Variants in ARCN1 observed in about 807,000 individuals in gnomAD.
ARCN1 encodes the protein archain 1 coat protein complex I subunit delta, also known as coatomer subunit delta.
Under a neutral mutation model 60.4 loss-of-function variants are expected in ARCN1, and 5 were observed. The ratio of observed to expected loss-of-function variants is 0.08; its 90% CI spans 0.04 to 0.17. The LOEUF (loss-of-function observed/expected upper bound fraction) is 0.17, where lower values mean the gene tolerates loss of function less well. Ranked by LOEUF, ARCN1 falls within the 10% of genes least tolerant of loss-of-function variation. ARCN1 has a pLI of 1.00. For missense variants in ARCN1, 464 were observed against 626.5 expected (o/e 0.74, Z 2.77); for synonymous variants, 224 against 220.0 (o/e 1.02, Z -0.16).
At chr11:118,577,436 C>T (rs1475389522) in intron 1 of ARCN1, among the ~76,000 whole-genome samples, 2 of 152,092 alleles carry the variant, frequency 1.3e-5, no homozygotes, top group East Asian at 3.9e-4. Context: ...TTGGTAGAGA[C>T]AGGGTTTTCC....
At chr11:118,595,683 T>C (rs1425418106) in intron 8 of ARCN1, among the ~76,000 whole-genome samples, 2 of 152,234 alleles carry the variant, frequency 1.3e-5, no homozygotes, top group East Asian at 3.8e-4. Context: ...TCAGCCCTCA[T>C]GATTAAGCAC....
At chr11:118,594,787 T>A (rs530320879) in intron 8 of ARCN1, among the ~76,000 whole-genome samples, 2 of 149,566 alleles carry the variant, frequency 1.3e-5, no homozygotes, top group African/African-American at 4.9e-5. Context: ...TGACCTTAGA[T>A]GATCTGCCCG....
chr11:118,584,771 T>C, intron 5 of ARCN1, 127 bp downstream of exon 5: 2 of 909,662 alleles, frequency 2.2e-6, no homozygotes, highest in Non-Finnish European at 3.2e-6. Context: ...AAAAGATTTA[T>C]TCAGAGCAGA....
chr11:118,582,034 C>T (rs2135540461), intron 2 of ARCN1, among the ~76,000 whole-genome samples: 1 of 152,236 alleles, frequency 6.6e-6, no homozygotes, highest in Non-Finnish European at 1.5e-5. Flanking sequence ...TAGCATGTGC[C>T]TGTAGTCCAA....
Position 118,581,156 on chromosome 11 carries a change from A to G in ARCN1, c.4-90A>G, listed in dbSNP as rs1198399338. The G allele has an allele frequency of 6.0e-6, 9 of 1,502,544 alleles. No individual in the cohort carries two copies. The Admixed American group carries it at 1.6e-4, about 27-fold the overall frequency. The allele number at this position is 1,502,544 out of a possible 1,614,324, so 93.1% of individuals were successfully genotyped here. On this transcript the variant is annotated intron_variant, in intron 1 of 9. Transcript: ENST00000264028. ...TACTACTAGTCATGTCACTAAATAA[A>G]TATGTCATTCTATGGAACATTTCCT...
At chr11:118,573,150 C>T (rs1240668012) in intron 1 of ARCN1, among the ~76,000 whole-genome samples, 1 of 152,196 alleles carries the variant, frequency 6.6e-6, no homozygotes, top group African/African-American at 2.4e-5. Context: ...TCCACTACTT[C>T]CGCAGAACTC....
chr11:118,587,473 A>G (rs1204379388), intron 5 of ARCN1, among the ~76,000 whole-genome samples: 2 of 152,320 alleles, frequency 1.3e-5, no homozygotes, highest in East Asian at 3.9e-4. Flanking sequence ...GAATCTCCTT[A>G]TTTGAAACTG....
At chr11:118,582,415 C>G (rs1555074785) in intron 2 of ARCN1, among the ~76,000 whole-genome samples, 1 of 152,034 alleles carries the variant, frequency 6.6e-6, no homozygotes, top group African/African-American at 2.4e-5. Context: ...CAGGCATGAG[C>G]CGCTGCACCC....
chr11:118,587,652 C>G (rs931765376), intron 5 of ARCN1, among the ~76,000 whole-genome samples: 4 of 152,200 alleles, frequency 2.6e-5, no homozygotes, highest in Admixed American at 2.0e-4. Flanking sequence ...TTTCCGCACA[C>G]ATCAAGCGGT....
rs1161304214 is a variant in ARCN1, at chr11:118,581,933, G to GAC, written c.267+426_267+427dup. On this transcript the variant is annotated intron_variant, in intron 2 of 9. Transcript: ENST00000264028. ...TTACTGATCCAGAGACAGACAGACA[G>GAC]ACAGACACACACACACACACACACA... 6.5e-3 allele frequency among the ~76,000 whole-genome samples: 854 copies of GAC among 132,206 alleles called. 8 individuals carry two copies. The highest frequency in any genetic ancestry group is 0.023 in the African/African-American group (732 of 32,480). The allele number at this position is 132,206 out of a possible 152,430, so 86.7% of individuals were successfully genotyped here.
chr11:118,572,932 C>A, intron 1 of ARCN1: 4 of 257,042 alleles, frequency 1.6e-5, no homozygotes, highest in Non-Finnish European at 3.0e-5. Context: ...GCTCAGCAGG[C>A]TGGGCCTGTC....
chr11:118,596,498 A>G (rs1939028765), intron 8 of ARCN1, among the ~76,000 whole-genome samples: 1 of 152,242 alleles, frequency 6.6e-6, no homozygotes, highest in Non-Finnish European at 1.5e-5. Flanking sequence ...GATCAGAATC[A>G]GAATTAGAGC....
intron 1 of ARCN1, 161 bp downstream of exon 1, chr11:118,572,711 C>T (rs559487373): frequency 2.6e-6 from 2 of 774,154 alleles, no homozygotes; most frequent in Non-Finnish European, 4.1e-6. Context: ...TGTGCCCGGT[C>T]TCCTGGAGAT....
In ARCN1 at chr11:118,572,454, G is replaced by C. The variant is rs559895450; in HGVS notation, c.-94G>C. The stretch of plus-strand genomic sequence containing the variant: ...GGCAGCGGTTCCTGTCAAGGGGGCA[G>C]CAGGTCCAGAGCTGCTGGTGCTCCC... On this transcript the variant is annotated 5_prime_UTR_variant, in exon 1 of 10. Coordinates refer to ENST00000264028, the MANE Select transcript of ARCN1 (RefSeq NM_001655.5). 509 of 1,357,986 alleles carry C rather than the reference G, an allele frequency of 3.7e-4. No homozygotes were observed. The highest frequency in any genetic ancestry group is 5.5e-4 in the Middle Eastern group (3 of 5,410). 84.1% of individuals were successfully genotyped at this position (1,357,986 alleles called of 1,614,324 possible).
chr11:118,580,180 A>G (rs1247369716), intron 1 of ARCN1, among the ~76,000 whole-genome samples: 3 of 152,160 alleles, frequency 2.0e-5, no homozygotes, highest in Non-Finnish European at 4.4e-5. Flanking sequence ...AAAATTTGCC[A>G]GGCATGATGG....
Position 118,590,444 on chromosome 11 carries a change from G to C in ARCN1, c.922G>C (p.Asp308His), listed in dbSNP as rs978102572. The change falls in exon 6 of 10, where the codon GAC becomes CAC. Residue 308 changes from aspartate (D) to histidine (H), a missense_variant. Coordinates refer to ENST00000264028, the MANE Select transcript of ARCN1 (RefSeq NM_001655.5). ...HGMIMLRISD[D>H]KYGRIRLHVE... ...CATGATCATGCTTAGGATCTCAGAT[G>C]ACAAGTATGGCCGAATTCGTCTTCA... 5.0e-6 allele frequency: 8 copies of C among 1,614,110 alleles called. No individual in the cohort carries two copies. The highest frequency in any genetic ancestry group is 6.8e-6 in the Non-Finnish European group (8 of 1,180,052).
chr11:118,582,457 G>A (rs1938679116), intron 2 of ARCN1, among the ~76,000 whole-genome samples: 1 of 151,932 alleles, frequency 6.6e-6, no homozygotes, highest in African/African-American at 2.4e-5. Context: ...GGGCGTGGTG[G>A]CTCACGCTTG....
chr11:118,572,812 C>T (rs954545574), intron 1 of ARCN1: 2 of 443,934 alleles, frequency 4.5e-6, no homozygotes, highest in African/African-American at 2.0e-5. Flanking sequence ...TGGGACCTGC[C>T]CCTGAGACGG....
chr11:118,601,561 T>C lies in ARCN1; in HGVS notation c.*847T>C. The stretch of plus-strand genomic sequence containing the variant: ...ATTTATTTGGCACTCCTGGAACAAG[T>C]ATATCTAACCCATTCTTGATTTTTG... On this transcript the variant is annotated 3_prime_UTR_variant, in exon 10 of 10. Coordinates refer to ENST00000264028, the MANE Select transcript of ARCN1 (RefSeq NM_001655.5). 1 of 690,106 alleles carries C rather than the reference T, an allele frequency of 1.4e-6. No individual in the cohort carries two copies. The highest frequency in any genetic ancestry group is 2.6e-6 in the Non-Finnish European group (1 of 377,704). 42.7% of individuals were successfully genotyped at this position (690,106 alleles called of 1,614,324 possible). A position where few individuals can be genotyped will look rare whatever the true frequency, so the allele number is the denominator to read the frequency against.
Sources: allele counts gnomAD v4.1 joint callset (sites outside exome capture counted in the v4.1 genomes callset), GRCh38; gene constraint gnomAD v4.1.1; transcripts MANE v1.5; gene names NCBI Gene and HGNC (gene_info 2026-07-23, HGNC 2026-07-21).